NUDT5: variants seen among roughly 807,000 people sequenced by gnomAD.
NUDT5 encodes nudix hydrolase 5.
A neutral mutation model predicts 34.1 loss-of-function variants in NUDT5; 21 were observed. The observed-to-expected ratio is 0.62, with a 90% confidence interval of 0.44 to 0.89. NUDT5 has a LOEUF of 0.89. NUDT5 is among the 40% of genes least tolerant of loss of function. NUDT5 has a pLI of 0.00. For missense variants in NUDT5, 249 were observed against 274.8 expected (o/e 0.91, Z 0.66); for synonymous variants, 85 against 97.6 (o/e 0.87, Z 0.76).
chr10:12,173,721 G>A lies in NUDT5; in HGVS notation c.382C>T (p.Pro128Ser). The A allele has an allele frequency of 6.2e-7, 1 of 1,612,040 alleles. No homozygotes were observed. The highest frequency in any genetic ancestry group is 8.5e-7 in the Non-Finnish European group (1 of 1,178,164). ...TGAATTTTCAAGCAATACCAACCTG[G>A]AGAACATTCGGCAATGTCCCCTTTG... ...GYKGDIAECS[P>S]AVCMDPGLSN... is the part of the protein sequence containing the mutation. Residue 128 changes from proline (P) to serine (S), a missense_variant, in exon 6 of 10, where the codon CCA (proline) becomes TCA (serine). Coordinates refer to ENST00000491614, the MANE Select transcript of NUDT5 (RefSeq NM_014142.4). This position sits in a 1 kb window ranked among gnomAD's most constrained non-coding sequence, Gnocchi z 4.7.
At chr10:12,192,677 C>T (rs1257071656) in intron 1 of NUDT5, among the ~76,000 whole-genome samples, 2 of 152,022 alleles carry the variant, frequency 1.3e-5, no homozygotes, top group Non-Finnish European at 2.9e-5. Flanking sequence ...AGTGAAACCC[C>T]CATCTCTGCT....
chr10:12,192,026 C>T (rs1835239049), intron 1 of NUDT5, among the ~76,000 whole-genome samples: 1 of 152,116 alleles, frequency 6.6e-6, no homozygotes, highest in Non-Finnish European at 1.5e-5. Flanking sequence ...TTGGCTAGGT[C>T]TCTCCTGATA....
At chr10:12,192,576 G>A (rs955615485) in intron 1 of NUDT5, among the ~76,000 whole-genome samples, 3 of 151,994 alleles carry the variant, frequency 2.0e-5, no homozygotes, top group Non-Finnish European at 4.4e-5. Flanking sequence ...TATTCTGGCC[G>A]GGCTCGGTGG....
intron 5 of NUDT5, among the ~76,000 whole-genome samples, chr10:12,174,093 CT>C (rs1834907565): frequency 6.6e-6 from 1 of 152,052 alleles, no homozygotes; most frequent in African/African-American, 2.4e-5. Context: ...GTCTTGAATT[CT>C]TGATCTCATG....
chr10:12,179,166 T>A, intron 3 of NUDT5, 34 bp from the exon 4 acceptor site: 1 of 1,589,348 alleles, frequency 6.3e-7, no homozygotes, highest in Non-Finnish European at 8.6e-7. Context: ...AAGTCATTAG[T>A]GCTACAGAAG....
At chr10:12,176,598 C>T (rs778355800) in intron 5 of NUDT5, among the ~76,000 whole-genome samples, 14 of 151,698 alleles carry the variant, frequency 9.2e-5, no homozygotes, top group East Asian at 3.9e-4. Flanking sequence ...AGCAGGACTC[C>T]GTCTCAAATA....
chr10:12,179,125 C>A lies in NUDT5; in HGVS notation c.139G>T (p.Glu47Ter). ...TTCCTGGTTGTACGTTTCACTGATTCCCAAGTTCTGTTCAGGCAGAGAAGA... is the reference window on the plus strand; with the variant it reads ...TTCCTGGTTGTACGTTTCACTGATTACCAAGTTCTGTTCAGGCAGAGAAGA... ...MDPTGKTRTWESVKRTTRKEQ... is the reference protein window; with the variant it reads ...MDPTGKTRTW The change falls in exon 4 of 10, where the codon GAA (glutamate) becomes TAA (stop). Residue 47 changes from glutamate (E) to a stop codon, truncating the protein, a stop_gained. Coordinates refer to ENST00000491614, the MANE Select transcript of NUDT5 (RefSeq NM_014142.4). LOFTEE classifies it high-confidence loss of function. 1 of 1,613,990 alleles carries A rather than the reference C, an allele frequency of 6.2e-7. No individual in the cohort carries two copies. The highest frequency in any genetic ancestry group is 8.5e-7 in the Non-Finnish European group (1 of 1,179,936).
rs1341629297 is a variant in NUDT5 at position 12,167,830 on chromosome 10, A to G, written c.551-19T>C. 6.2e-7 allele frequency: 1 copy of G among 1,613,112 alleles called. No individual in the cohort carries two copies. The highest frequency in any genetic ancestry group is 2.2e-5 in the East Asian group (1 of 44,884). On this transcript the variant is annotated intron_variant, in intron 9 of 9. Transcript: ENST00000491614. ...ACCAGAGCTGTGGAAAGCAAAGAAA[A>G]CAACTTAGATCATGCCGTTAAGGAA...
At position 12,170,248 on chromosome 10, in the gene NUDT5, A is replaced by C. The variant is rs893796090; in HGVS notation, c.550+469T>G. The stretch of plus-strand genomic sequence containing the variant: ...AGCTGGTTTGGTTTATTATGTGAAA[A>C]GCATATCACACGGAGTATACAGGAA... On this transcript the variant is annotated intron_variant, in intron 9 of 9. Transcript: ENST00000491614. This position sits in a 1 kb window ranked among gnomAD's most constrained non-coding sequence, Gnocchi z 4.9. 5 of 1,519,808 alleles carry C rather than the reference A, an allele frequency of 3.3e-6. No homozygotes were observed. The African/African-American group carries it at 6.8e-5, about 21-fold the overall frequency. 94.1% of individuals were successfully genotyped at this position (1,519,808 alleles called of 1,614,324 possible). A position where few individuals can be genotyped will look rare whatever the true frequency, so the allele number is the denominator to read the frequency against.
intron 1 of NUDT5, among the ~76,000 whole-genome samples, chr10:12,186,628 TTTTC>T (rs543799188): frequency 0.35 from 49,618 of 143,016 alleles, 6,983 homozygotes; most frequent in Admixed American, 0.39. Flanking sequence ...CTTTTTTTTT[TTTTC>T]TTTTTTGTTT....
rs1057486509 is a variant in NUDT5, at chr10:12,167,104, A to G, written c.*598T>C. On this transcript the variant is annotated 3_prime_UTR_variant, in exon 10 of 10. Coordinates refer to ENST00000491614, the MANE Select transcript of NUDT5 (RefSeq NM_014142.4). The stretch of plus-strand genomic sequence containing the variant: ...AGCCTTGGTGTAGTGAATGGAGTCA[A>G]CCGTTTTCCTTACTTAAAAGCTGGT... 3.7e-5 allele frequency: 6 copies of G among 160,502 alleles called. No individual in the cohort carries two copies. Among genetic ancestry groups the G allele is most frequent in the African/African-American group, 1.4e-4 (6 of 41,496 alleles). 9.9% of individuals were successfully genotyped at this position (160,502 alleles called of 1,614,324 possible).
intron 1 of NUDT5, among the ~76,000 whole-genome samples, chr10:12,190,422 C>A (rs1013768031): frequency 6.6e-6 from 1 of 152,142 alleles, no homozygotes. Flanking sequence ...TCGAGAGCAC[C>A]AGCAGTGGAA....
intron 1 of NUDT5, among the ~76,000 whole-genome samples, chr10:12,190,309 T>C (rs1835201722): frequency 6.6e-6 from 1 of 152,208 alleles, no homozygotes; most frequent in Non-Finnish European, 1.5e-5. Context: ...GTGTTGGATG[T>C]GTAATTCTCC....
intron 5 of NUDT5, among the ~76,000 whole-genome samples, chr10:12,174,483 G>T (rs1332977857): frequency 6.6e-6 from 1 of 151,002 alleles, no homozygotes; most frequent in Non-Finnish European, 1.5e-5. Flanking sequence ...CACCATGTTG[G>T]CCAGGCTGCT....
chr10:12,170,701 T>A lies in NUDT5; in HGVS notation c.550+16A>T, dbSNP rs1291687408. On this transcript the variant is annotated intron_variant, in intron 9 of 9. Transcript: ENST00000491614. This position sits in a 1 kb window ranked among gnomAD's most constrained non-coding sequence, Gnocchi z 4.9. Reference sequence around the variant, plus strand: ...GAGAACTGGAGAAACTGGGTGGCGGTCTGGAGAATGCTTACCATCAAGTCT... The same window carrying A: ...GAGAACTGGAGAAACTGGGTGGCGGACTGGAGAATGCTTACCATCAAGTCT... 1 of 1,612,494 alleles carries A rather than the reference T, an allele frequency of 6.2e-7. No individual in the cohort carries two copies. The highest frequency in any genetic ancestry group is 8.5e-7 in the Non-Finnish European group (1 of 1,179,606).
intron 1 of NUDT5, among the ~76,000 whole-genome samples, chr10:12,194,422 T>C (rs966209331): frequency 6.6e-6 from 1 of 152,218 alleles, no homozygotes; most frequent in Non-Finnish European, 1.5e-5. Flanking sequence ...TCCAGACATA[T>C]ATACAATATT....
chr10:12,183,029 G>A (rs1321059709), intron 3 of NUDT5, among the ~76,000 whole-genome samples: 1 of 152,172 alleles, frequency 6.6e-6, no homozygotes, highest in East Asian at 1.9e-4. Flanking sequence ...GAGCCACTGC[G>A]CTTGGCCTCA....
At chr10:12,195,365 A>G (rs571521939) in intron 1 of NUDT5, among the ~76,000 whole-genome samples, 4 of 152,302 alleles carry the variant, frequency 2.6e-5, no homozygotes, top group Admixed American at 1.3e-4. Flanking sequence ...GCGAGGCCAG[A>G]CTAAACGAAT....
intron 4 of NUDT5, among the ~76,000 whole-genome samples, chr10:12,178,439 C>T (rs990188224): frequency 6.6e-6 from 1 of 152,214 alleles, no homozygotes; most frequent in Non-Finnish European, 1.5e-5. Context: ...ACACAAAGCA[C>T]CCAGGAGGGT....
Sources: gnomAD v4.1 joint callset for allele counts (sites outside exome capture counted in the v4.1 genomes callset) on GRCh38, gnomAD v4.1.1 for gene constraint, Gnocchi (gnomAD v3.1) non-coding constraint, MANE v1.5 for transcripts, NCBI Gene and HGNC (gene_info 2026-07-23, HGNC 2026-07-21) for gene names.